RAPGEF2: variants seen among roughly 807,000 people sequenced by gnomAD.
RAPGEF2 encodes PDZ domain containing guanine nucleotide exchange factor (GEF) 1.
RAPGEF2 carries 54 observed loss-of-function variants against 186.7 expected under a neutral mutation model. That is an observed-to-expected ratio of 0.29 (90% CI 0.23 to 0.36). RAPGEF2 has a LOEUF of 0.36. Among genes scored for constraint, RAPGEF2 ranks in the 10% least tolerant of loss-of-function variants. The pLI is 1.00. For missense variants in RAPGEF2, 1,532 were observed against 2,045.0 expected, an observed-to-expected ratio of 0.75 and a Z score of 4.84; for synonymous variants, 712 against 705.9, an observed-to-expected ratio of 1.01 and a Z score of -0.14.
At chr4:159,301,505 A>G (rs1762669413) in intron 7 of RAPGEF2, among the ~76,000 whole-genome samples, 1 of 152,244 alleles carries the variant, frequency 6.6e-6, no homozygotes, top group African/African-American at 2.4e-5. Context: ...TAATTTATAT[A>G]TGCATTTACT....
intron 1 of RAPGEF2, among the ~76,000 whole-genome samples, chr4:159,115,863 C>A (rs1414141689): frequency 2.0e-5 from 3 of 152,090 alleles, no homozygotes; most frequent in East Asian, 3.8e-4. Context: ...ATAAATGGTG[C>A]TGGGAAAACT....
intron 7 of RAPGEF2, among the ~76,000 whole-genome samples, chr4:159,299,791 A>C (rs116915489): frequency 0.011 from 1,685 of 152,234 alleles, 15 homozygotes; most frequent in East Asian, 0.034. Flanking sequence ...GTGATTATCA[A>C]ATTCCTATTT....
At chr4:159,234,097 A>C (rs1337373946) in intron 4 of RAPGEF2, among the ~76,000 whole-genome samples, 1 of 151,554 alleles carries the variant, frequency 6.6e-6, no homozygotes, top group African/African-American at 2.4e-5. Context: ...CACCTTATGT[A>C]GTTTATTATA....
chr4:159,228,533 ATGTTGAGATTCAC>A (rs1752278296), intron 4 of RAPGEF2, among the ~76,000 whole-genome samples: 1 of 152,196 alleles, frequency 6.6e-6, no homozygotes, highest in African/African-American at 2.4e-5. Context: ...CAGAGATGAA[ATGTTGAGATTCAC>A]TGTGCAGAGG....
At chr4:159,251,433 T>C (rs1755376190) in intron 7 of RAPGEF2, among the ~76,000 whole-genome samples, 1 of 152,222 alleles carries the variant, frequency 6.6e-6, no homozygotes. Context: ...AGCTGGAGGA[T>C]TGTATATGTA....
intron 4 of RAPGEF2, among the ~76,000 whole-genome samples, chr4:159,224,552 G>C (rs370098204): frequency 6.6e-6 from 1 of 152,162 alleles, no homozygotes; most frequent in Non-Finnish European, 1.5e-5. Flanking sequence ...CTTAGGATGG[G>C]CAAAGTACTG....
intron 1 of RAPGEF2, among the ~76,000 whole-genome samples, chr4:159,168,144 A>G (rs1274334808): frequency 2.6e-5 from 4 of 152,222 alleles, no homozygotes; most frequent in East Asian, 1.9e-4. Context: ...AGTGAATTCT[A>G]CAAGGAAGTT....
chr4:159,223,910 T>A (rs1286237051), intron 4 of RAPGEF2, among the ~76,000 whole-genome samples: 2 of 152,174 alleles, frequency 1.3e-5, no homozygotes, highest in Non-Finnish European at 2.9e-5. Context: ...GAACTTTTTT[T>A]TTTTTTGAGA....
intron 3 of RAPGEF2, among the ~76,000 whole-genome samples, chr4:159,209,023 C>T (rs746525788): frequency 2.2e-4 from 34 of 151,786 alleles, no homozygotes; most frequent in Non-Finnish European, 3.5e-4. Context: ...CCCAAGTAGC[C>T]GGGATTATAG....
At chr4:159,331,067 CA>C (rs1766625118) in intron 13 of RAPGEF2, among the ~76,000 whole-genome samples, 1 of 152,170 alleles carries the variant, frequency 6.6e-6, no homozygotes, top group South Asian at 2.1e-4. Flanking sequence ...TCTCTTTGTC[CA>C]GTCTGTTCTT....
chr4:159,151,188 C>A lies in RAPGEF2; in HGVS notation c.70-35454C>A, dbSNP rs571267885. On this transcript the variant is annotated intron_variant, in intron 1 of 29. Transcript: ENST00000691494. ...CATATGCAACAAGTCAGTGTAGATG[C>A]AGGTTCAACTGTTTAAAGTACTTTA... 6.7e-5 allele frequency among the ~76,000 whole-genome samples: 10 copies of A among 150,080 alleles called. No homozygotes were observed. In the South Asian group the frequency reaches 2.1e-3, roughly 32 times the overall value.
chr4:159,120,784 T>C (rs372982649), intron 1 of RAPGEF2, among the ~76,000 whole-genome samples: 58 of 152,330 alleles, frequency 3.8e-4, no homozygotes, highest in African/African-American at 1.3e-3. Flanking sequence ...GAACTATGTC[T>C]ATCAGTCCCA....
intron 3 of RAPGEF2, among the ~76,000 whole-genome samples, chr4:159,193,480 G>A (rs927297757): frequency 6.6e-6 from 1 of 152,020 alleles, no homozygotes; most frequent in Admixed American, 6.6e-5. Flanking sequence ...TCACATGTGG[G>A]TCAAAGATAC....
chr4:159,302,654 C>T (rs1486691818), intron 7 of RAPGEF2, among the ~76,000 whole-genome samples: 2 of 152,186 alleles, frequency 1.3e-5, no homozygotes, highest in East Asian at 3.9e-4. Context: ...CTGAAGAAGT[C>T]CTGCAAATAT....
rs551946855 is a variant in RAPGEF2 at position 159,126,558 on chromosome 4, C to T, written c.69+22327C>T. Among the ~76,000 whole-genome samples, 22 of 151,596 alleles carry T rather than the reference C, an allele frequency of 1.5e-4. No individual in the cohort carries two copies. The East Asian group carries it at 3.5e-3, about 24-fold the overall frequency. ...AAAAAAAAAAAAAGCCTGATGCCTC[C>T]CTGTCATCTCTCAGAAGATTTTAAG... On this transcript the variant is annotated intron_variant, in intron 1 of 29. Coordinates refer to ENST00000691494, the MANE Select transcript of RAPGEF2 (RefSeq NM_001394067.2).
Position 159,304,319 on chromosome 4 carries a change from A to C in RAPGEF2, c.544-23A>C, listed in dbSNP as rs188856252. The C allele has an allele frequency of 3.8e-5, 60 of 1,572,086 alleles. No individual in the cohort carries two copies. The East Asian group carries it at 1.2e-3, about 33-fold the overall frequency. On this transcript the variant is annotated intron_variant, in intron 7 of 29. Transcript: ENST00000691494. ...AGTTCTTGATTCAGATTGTAATCCT[A>C]GTTTTTCCTGCTCCTTCCATAGCTT...
At chr4:159,157,166 A>AATAAATGACCTT (rs1744219190) in intron 1 of RAPGEF2, among the ~76,000 whole-genome samples, 3 of 152,122 alleles carry the variant, frequency 2.0e-5, no homozygotes, top group Non-Finnish European at 2.9e-5. Context: ...TTCACATAAC[A>AATAAATGACCTT]CTTCATGACC....
chr4:159,333,521 C>G (rs1445187370), intron 17 of RAPGEF2, among the ~76,000 whole-genome samples: 6 of 152,184 alleles, frequency 3.9e-5, no homozygotes, highest in Non-Finnish European at 5.9e-5. Flanking sequence ...AAGCACAGAA[C>G]TCCTTTCATT....
At chr4:159,175,527 A>C (rs997384827) in intron 1 of RAPGEF2, among the ~76,000 whole-genome samples, 1 of 152,200 alleles carries the variant, frequency 6.6e-6, no homozygotes, top group African/African-American at 2.4e-5. Context: ...AACAGTTTTA[A>C]TAGGAGTGCT....
Sources: gnomAD v4.1 joint callset for allele counts (sites outside exome capture counted in the v4.1 genomes callset) on GRCh38, gnomAD v4.1.1 for gene constraint, MANE v1.5 for transcripts, NCBI Gene and HGNC (gene_info 2026-07-23, HGNC 2026-07-21) for gene names.